ALK: variants seen among roughly 807,000 people sequenced by gnomAD.
ALK encodes the protein ALK tyrosine kinase receptor.
Under a neutral mutation model 163.1 loss-of-function variants are expected in ALK, and 74 were observed. The observed-to-expected ratio is 0.45, with a 90% CI of 0.38 to 0.55. The LOEUF (loss-of-function observed/expected upper bound fraction) is 0.55. Ranked by LOEUF, ALK falls within the 20% of genes least tolerant of loss-of-function variation. The pLI, the probability that ALK is intolerant of heterozygous loss-of-function variation, is 0.00. For missense variants in ALK, 2,063 were observed against 2,105.3 expected, an observed-to-expected ratio of 0.98 and a Z score of 0.39; for synonymous variants, 960 against 843.2, an observed-to-expected ratio of 1.14 and a Z score of -2.40.
intron 4 of ALK, among the ~76,000 whole-genome samples, chr2:29,478,916 A>T (rs1671592562): frequency 6.6e-6 from 1 of 152,038 alleles, no homozygotes; most frequent in Non-Finnish European, 1.5e-5. Context: ...CCAGAGACTG[A>T]CTAGCTTCAG....
intron 4 of ALK, among the ~76,000 whole-genome samples, chr2:29,521,574 A>G (rs1312121068): frequency 2.6e-5 from 4 of 152,232 alleles, no homozygotes; most frequent in Non-Finnish European, 4.4e-5. Flanking sequence ...GAGTTTAGCC[A>G]GGCATATGTG....
intron 2 of ALK, among the ~76,000 whole-genome samples, chr2:29,701,759 A>C (rs1009737900): frequency 6.6e-6 from 1 of 152,170 alleles, no homozygotes; most frequent in Non-Finnish European, 1.5e-5. Context: ...TTACATGATC[A>C]TCTTATTTAA....
intron 3 of ALK, among the ~76,000 whole-genome samples, chr2:29,570,820 C>G (rs952921844): frequency 6.6e-6 from 1 of 152,194 alleles, no homozygotes; most frequent in Admixed American, 6.5e-5. Context: ...AACCAGGGCT[C>G]ATCAGCAAAG....
At chr2:29,389,400 G>A (rs910614266) in intron 4 of ALK, among the ~76,000 whole-genome samples, 2 of 152,180 alleles carry the variant, frequency 1.3e-5, no homozygotes, top group Non-Finnish European at 2.9e-5. Context: ...CAGAAAGAGA[G>A]ACTGGCATGA....
chr2:29,567,830 T>A (rs1266581026), intron 3 of ALK, among the ~76,000 whole-genome samples: 1 of 152,362 alleles, frequency 6.6e-6, no homozygotes, highest in African/African-American at 2.4e-5. Context: ...CATTCTGCTA[T>A]ATTTTCTCAA....
At chr2:29,272,733 G>A (rs1334208922) in intron 11 of ALK, among the ~76,000 whole-genome samples, 16 of 152,224 alleles carry the variant, frequency 1.1e-4, no homozygotes. Flanking sequence ...TTGTCAGAAG[G>A]TTGGGAGCTG....
rs187970647 is a variant in ALK at position 29,852,123 on chromosome 2, C to T, written c.667+67870G>A. ...TAGATGCCAGCACAGGAATAAGAAACGAAGCCCCTATGTAGCGTTTATCCA... is the reference window on the plus strand; with the variant it reads ...TAGATGCCAGCACAGGAATAAGAAATGAAGCCCCTATGTAGCGTTTATCCA... On this transcript the variant is annotated intron_variant, in intron 1 of 28. Coordinates refer to ENST00000389048, the MANE Select transcript of ALK (RefSeq NM_004304.5). Among the ~76,000 whole-genome samples, 37 of 152,268 alleles carry T rather than the reference C, an allele frequency of 2.4e-4. No homozygotes were observed. In the East Asian group the frequency reaches 5.0e-3, roughly 21 times the overall value.
intron 4 of ALK, among the ~76,000 whole-genome samples, chr2:29,470,353 C>G (rs889539971): frequency 4.6e-5 from 7 of 150,832 alleles, no homozygotes; most frequent in Non-Finnish European, 8.9e-5. Flanking sequence ...GACAATTTTT[C>G]AAAATTAACA....
intron 5 of ALK, among the ~76,000 whole-genome samples, chr2:29,331,788 T>C (rs762400298): frequency 6.6e-6 from 1 of 152,218 alleles, no homozygotes; most frequent in Admixed American, 6.5e-5. Flanking sequence ...TTCTTTCTAC[T>C]TAGTAGGAGA....
intron 1 of ALK, among the ~76,000 whole-genome samples, chr2:29,746,975 G>T: frequency 6.6e-6 from 1 of 152,184 alleles, no homozygotes; most frequent in Non-Finnish European, 1.5e-5. Context: ...ATTCCTCACA[G>T]AATCTCAAGG....
intron 3 of ALK, among the ~76,000 whole-genome samples, chr2:29,670,294 T>C (rs1312820168): frequency 6.6e-6 from 1 of 152,102 alleles, no homozygotes; most frequent in Non-Finnish European, 1.5e-5. Context: ...ACAGTATTCT[T>C]GGAAGGCAGA....
intron 4 of ALK, among the ~76,000 whole-genome samples, chr2:29,387,398 T>C (rs1669057205): frequency 6.6e-6 from 1 of 152,098 alleles, no homozygotes; most frequent in Non-Finnish European, 1.5e-5. Flanking sequence ...ATAATGAGTA[T>C]GTTAGAGTCC....
At chr2:29,418,685 C>T (rs549276138) in intron 4 of ALK, among the ~76,000 whole-genome samples, 1 of 152,296 alleles carries the variant, frequency 6.6e-6, no homozygotes, top group East Asian at 1.9e-4. Flanking sequence ...GGATAATGGC[C>T]TCCAGTTCCA....
chr2:29,259,659 G>A (rs938609508), intron 11 of ALK, among the ~76,000 whole-genome samples: 6 of 151,878 alleles, frequency 4.0e-5, no homozygotes, highest in Non-Finnish European at 8.8e-5. Context: ...TTGCTTAGGT[G>A]TCCAAAGTAA....
chr2:29,530,159 A>G (rs986470478), intron 4 of ALK, among the ~76,000 whole-genome samples: 6 of 150,298 alleles, frequency 4.0e-5, no homozygotes, highest in African/African-American at 1.5e-4. Flanking sequence ...GGTCTCCTGG[A>G]AAGAGTCCAG....
chr2:29,667,534 A>C (rs1677551445), intron 3 of ALK, among the ~76,000 whole-genome samples: 1 of 151,744 alleles, frequency 6.6e-6, no homozygotes, highest in Non-Finnish European at 1.5e-5. Flanking sequence ...AGAGACATTA[A>C]ATTTTATCAA....
intron 11 of ALK, among the ~76,000 whole-genome samples, chr2:29,273,780 C>T (rs1665456963): frequency 6.6e-6 from 1 of 152,158 alleles, no homozygotes; most frequent in African/African-American, 2.4e-5. Context: ...TAAATTTATA[C>T]ATTTCCTGAA....
chr2:29,743,163 G>A (rs1680107834), intron 1 of ALK, among the ~76,000 whole-genome samples: 1 of 152,186 alleles, frequency 6.6e-6, no homozygotes, highest in Non-Finnish European at 1.5e-5. Flanking sequence ...GATGGAAAAA[G>A]CAACAATCCA....
At chr2:29,751,305 T>A (rs898837651) in intron 1 of ALK, among the ~76,000 whole-genome samples, 12 of 152,162 alleles carry the variant, frequency 7.9e-5, no homozygotes, top group African/African-American at 1.4e-4. Context: ...AAATTTATTT[T>A]AAAAAAATTA....
Sources: allele counts gnomAD v4.1 joint callset (sites outside exome capture counted in the v4.1 genomes callset), GRCh38; gene constraint gnomAD v4.1.1; transcripts MANE v1.5; gene names NCBI Gene and HGNC (gene_info 2026-07-23, HGNC 2026-07-21).